The following TCF12 variants were observed in gnomAD, a reference collection of about 807,000 sequenced individuals.
The protein encoded by TCF12 is DNA-binding protein HTF4.
In TCF12, 45 loss-of-function variants were observed where a neutral mutation model predicts 86.0. The ratio of observed to expected loss-of-function variants is 0.52; its 90% CI spans 0.41 to 0.67. The LOEUF is 0.67. Ranked by LOEUF, TCF12 falls within the 30% of genes least tolerant of loss-of-function variation. The probability of loss-of-function intolerance (pLI) is 0.00; values close to 1 mark genes in which losing one functional copy is unlikely to be tolerated. For synonymous variants in TCF12, 330 were observed against 299.6 expected (o/e 1.10, Z -1.05); for missense variants, 881 against 859.9 (o/e 1.02, Z -0.31).
At chr15:57,065,198 G>C (rs1334045927) in intron 4 of TCF12, among the ~76,000 whole-genome samples, 1 of 152,204 alleles carries the variant, frequency 6.6e-6, no homozygotes, top group African/African-American at 2.4e-5. Flanking sequence ...AGAATCAGAG[G>C]CTGAGAAAGC....
chr15:56,984,279 T>C, intron 3 of TCF12, among the ~76,000 whole-genome samples: 1 of 150,490 alleles, frequency 6.6e-6, no homozygotes, highest in East Asian at 2.0e-4. Context: ...TGTGTGTGTG[T>C]GTGTGTGTGT....
chr15:57,106,392 A>C (rs2050134723), intron 5 of TCF12, among the ~76,000 whole-genome samples: 1 of 152,252 alleles, frequency 6.6e-6, no homozygotes, highest in African/African-American at 2.4e-5. Context: ...GCTTTTCTAT[A>C]AATGTAAAAT....
chr15:57,125,470 A>G (rs914181368), intron 5 of TCF12, among the ~76,000 whole-genome samples: 8 of 152,262 alleles, frequency 5.3e-5, no homozygotes, highest in African/African-American at 1.9e-4. Flanking sequence ...GCAAACCTAC[A>G]GGTAGAATGA....
intron 5 of TCF12, among the ~76,000 whole-genome samples, chr15:57,159,202 G>C (rs1242993664): frequency 1.3e-5 from 2 of 152,220 alleles, no homozygotes; most frequent in Non-Finnish European, 2.9e-5. Flanking sequence ...GGTCATTGAT[G>C]TTAAGCGACA....
chr15:56,966,650 C>T (rs1284276985), intron 3 of TCF12, among the ~76,000 whole-genome samples: 1 of 152,134 alleles, frequency 6.6e-6, no homozygotes, highest in Non-Finnish European at 1.5e-5. Context: ...GTTATTTTTC[C>T]TTCAGGTGAC....
At position 57,280,304 on chromosome 15, in the gene TCF12, T is replaced by A. The variant is rs973882927; in HGVS notation, c.1979-2141T>A. On this transcript the variant is annotated intron_variant, in intron 19 of 20. Coordinates refer to ENST00000333725, the MANE Select transcript of TCF12 (RefSeq NM_207037.2). ...ATTTTTTGCATAATGATGAACATAC[T>A]ATTTTTTCCTGCTAGTTACCCTAAT... 6.6e-5 allele frequency among the ~76,000 whole-genome samples: 10 copies of A among 152,362 alleles called. No individual in the cohort carries two copies. In the East Asian group the frequency reaches 1.7e-3, roughly 26 times the overall value.
intron 3 of TCF12, among the ~76,000 whole-genome samples, chr15:56,941,685 C>CTT (rs111353408): frequency 2.0e-4 from 29 of 143,388 alleles, no homozygotes; most frequent in African/African-American, 6.4e-4. Flanking sequence ...TCTTCTTCTT[C>CTT]TTTTTTTTTT....
At chr15:57,084,721 C>G (rs1468546917) in intron 4 of TCF12, among the ~76,000 whole-genome samples, 1 of 151,806 alleles carries the variant, frequency 6.6e-6, no homozygotes, top group Non-Finnish European at 1.5e-5. Context: ...CAAAAGAATA[C>G]TTCTTGGAAA....
intron 4 of TCF12, among the ~76,000 whole-genome samples, chr15:57,079,467 G>T (rs6493900): frequency 0.23 from 35,609 of 152,030 alleles, 4,777 homozygotes; most frequent in East Asian, 0.4. Flanking sequence ...ATGCTTTTTG[G>T]TAGAGTAGGG....
chr15:57,141,088 C>A (rs2052928065), intron 5 of TCF12, among the ~76,000 whole-genome samples: 1 of 152,212 alleles, frequency 6.6e-6, no homozygotes, highest in African/African-American at 2.4e-5. Flanking sequence ...TCACACCAAA[C>A]TGTGACAGCC....
chr15:57,234,875 T>C (rs548348690), intron 12 of TCF12, among the ~76,000 whole-genome samples: 8 of 152,342 alleles, frequency 5.3e-5, no homozygotes, highest in South Asian at 2.1e-4. Flanking sequence ...TTCTGAGTAG[T>C]ATGCCTCTTA....
chr15:57,253,144 T>A, intron 15 of TCF12, 118 bp from the exon 16 acceptor site: 1 of 1,068,652 alleles, frequency 9.4e-7, no homozygotes, highest in South Asian at 1.5e-5. Flanking sequence ...CTTTTGAAGC[T>A]ACTTGATACT....
At position 57,231,071 on chromosome 15, in the gene TCF12, C is replaced by G. The variant is rs138915969; in HGVS notation, c.580-81C>G. The G allele has an allele frequency of 2.8e-6, 3 of 1,088,300 alleles. No homozygotes were observed. The African/African-American group carries it at 4.7e-5, about 17-fold the overall frequency. 67.4% of individuals were successfully genotyped at this position (1,088,300 alleles called of 1,614,324 possible). Reference sequence around the variant, plus strand: ...AAATTAGATAGGCCTTTTTAAGCCCCTTACAGAATATAGAACTCATTTTAC... The same window carrying G: ...AAATTAGATAGGCCTTTTTAAGCCCGTTACAGAATATAGAACTCATTTTAC... On this transcript the variant is annotated intron_variant, in intron 8 of 20. Transcript: ENST00000333725.
rs2061988904 is a variant in TCF12, at chr15:57,288,023, A to G, written c.*1878A>G. The stretch of plus-strand genomic sequence containing the variant: ...AAGCTTTCCTTCATAAAATAGAAAG[A>G]AAAAAACATTTGGCTTATTTTTCAC... On this transcript the variant is annotated 3_prime_UTR_variant, in exon 21 of 21. Transcript: ENST00000333725. 6.6e-6 allele frequency: 1 copy of G among 152,642 alleles called. No individual in the cohort carries two copies. The allele number at this position is 152,642 out of a possible 1,614,324, so 9.5% of individuals were successfully genotyped here.
At chr15:56,991,488 T>C (rs1448979755) in intron 3 of TCF12, among the ~76,000 whole-genome samples, 2 of 152,206 alleles carry the variant, frequency 1.3e-5, no homozygotes, top group African/African-American at 4.8e-5. Context: ...TTTACTCAGT[T>C]CAGAAAATCT....
chr15:57,037,806 T>G lies in TCF12; in HGVS notation c.149-25944T>G, dbSNP rs149432758. ...CACACATGTACTTACACATGTGGTT[T>G]AATTAGATGTGGCAAAAAACCAGTG... is the stretch of plus-strand genomic sequence containing the variant. On this transcript the variant is annotated intron_variant, in intron 3 of 20. Transcript: ENST00000333725. Among the ~76,000 whole-genome samples, 397 of 152,370 alleles carry G rather than the reference T, an allele frequency of 2.6e-3. 1 individual carries two copies. The highest frequency in any genetic ancestry group is 0.01 in the Middle Eastern group (3 of 294).
chr15:57,192,293 G>C lies in TCF12; in HGVS notation c.526G>C (p.Asp176His). ...ACCACTCCATGACTCTGCAGCGCTT[G>C]GTGAGTGTATCACACAACAAATCCC... ...RRPLHDSAAL[D>H]PLQAKKVRKV... Residue 176 changes from aspartate (D) to histidine (H), a missense_variant and splice_region_variant, in exon 7 of 21, where the codon GAT (aspartate) becomes CAT (histidine). Around this residue, in one of 3 missense-constraint regions of TCF12, gnomAD observed 766 missense variants for 718.9 expected, o/e 1.07. Coordinates refer to ENST00000333725, the MANE Select transcript of TCF12 (RefSeq NM_207037.2). The C allele has an allele frequency of 6.2e-7, 1 of 1,613,756 alleles. No homozygotes were observed. The highest frequency in any genetic ancestry group is 1.7e-5 in the Admixed American group (1 of 59,986).
chr15:57,269,017 A>C (rs1056417168), intron 18 of TCF12, among the ~76,000 whole-genome samples: 1 of 152,004 alleles, frequency 6.6e-6, no homozygotes, highest in Non-Finnish European at 1.5e-5. Flanking sequence ...TGGGGTGGAG[A>C]GTTCTGTAGA....
At chr15:56,922,316 C>T (rs1224162955) in intron 3 of TCF12, among the ~76,000 whole-genome samples, 2 of 151,906 alleles carry the variant, frequency 1.3e-5, no homozygotes, top group African/African-American at 4.8e-5. Context: ...TTACTGTTGC[C>T]TACTGTTCCA....
Sources: gnomAD v4.1 joint callset for allele counts (sites outside exome capture counted in the v4.1 genomes callset) on GRCh38, gnomAD v4.1.1 for gene constraint, gnomAD v4.1.1 regional missense constraint, MANE v1.5 for transcripts, NCBI Gene and HGNC (gene_info 2026-07-23, HGNC 2026-07-21) for gene names.